The following SRBD1 variants were observed in gnomAD, a reference collection of about 807,000 sequenced individuals.
The protein encoded by SRBD1 is S1 RNA-binding domain-containing protein 1.
SRBD1 carries 88 observed loss-of-function variants against 115.3 expected under a neutral mutation model. The observed-to-expected ratio is 0.76, with a 90% CI of 0.64 to 0.91. The LOEUF (loss-of-function observed/expected upper bound fraction) is 0.91, where lower values mean the gene tolerates loss of function less well. Among genes scored for constraint, SRBD1 ranks in the 40% least tolerant of loss-of-function variants. The pLI is 0.00. For missense variants in SRBD1, 1,385 were observed against 1,177.4 expected, an observed-to-expected ratio of 1.18 and a Z score of -2.58; for synonymous variants, 509 against 407.7, an observed-to-expected ratio of 1.25 and a Z score of -2.99.
chr2:45,414,870 A>AC (rs1220042555), intron 18 of SRBD1, among the ~76,000 whole-genome samples: 1 of 144,548 alleles, frequency 6.9e-6, no homozygotes, highest in East Asian at 2.0e-4. Context: ...GTATGTACAC[A>AC]CAATATAGTG....
At chr2:45,503,217 A>AAGAAC (rs66628217) in intron 14 of SRBD1, among the ~76,000 whole-genome samples, 1 of 16,432 alleles carries the variant, frequency 6.1e-5, no homozygotes, top group African/African-American at 1.4e-3. Flanking sequence ...CCTTTCCATG[A>AAGAAC]AGAAAACTTG....
intron 5 of SRBD1, among the ~76,000 whole-genome samples, chr2:45,584,268 G>A (rs945249918): frequency 2.0e-5 from 3 of 152,188 alleles, no homozygotes; most frequent in African/African-American, 4.8e-5. Flanking sequence ...TACTGGAGAC[G>A]AGCAAGGGTT....
chr2:45,413,368 C>T, intron 18 of SRBD1, 75 bp from the exon 19 acceptor site: 4 of 1,504,882 alleles, frequency 2.7e-6, no homozygotes, highest in Non-Finnish European at 2.7e-6. Context: ...TTAAAATGTG[C>T]TTACTTCTCT....
intron 3 of SRBD1, among the ~76,000 whole-genome samples, chr2:45,601,106 ATAAAGG>A (rs1037814231): frequency 1.3e-4 from 20 of 152,364 alleles, no homozygotes; most frequent in African/African-American, 4.1e-4. Context: ...AGTGTCAATC[ATAAAGG>A]GTGTTGTCAG....
At chr2:45,462,231 C>T (rs1239047189) in intron 16 of SRBD1, among the ~76,000 whole-genome samples, 2 of 152,150 alleles carry the variant, frequency 1.3e-5, no homozygotes, top group African/African-American at 2.4e-5. Flanking sequence ...TCATTTCCTT[C>T]ATCACCAAAA....
At chr2:45,471,643 C>T (rs1432489059) in intron 16 of SRBD1, among the ~76,000 whole-genome samples, 1 of 152,038 alleles carries the variant, frequency 6.6e-6, no homozygotes, top group Non-Finnish European at 1.5e-5. Flanking sequence ...AAATGTTCAC[C>T]TCACTGTATC....
intron 16 of SRBD1, among the ~76,000 whole-genome samples, chr2:45,429,705 G>C (rs1361858666): frequency 6.6e-6 from 1 of 152,156 alleles, no homozygotes; most frequent in Non-Finnish European, 1.5e-5. Context: ...GCAAAACCTG[G>C]AAACGTTCCC....
At chr2:45,505,398 A>C (rs952518230) in intron 14 of SRBD1, among the ~76,000 whole-genome samples, 3 of 152,144 alleles carry the variant, frequency 2.0e-5, no homozygotes, top group Non-Finnish European at 4.4e-5. Flanking sequence ...GCCAGATGCC[A>C]CTATCAGAAC....
chr2:45,523,779 A>C (rs1671359339), intron 14 of SRBD1, among the ~76,000 whole-genome samples: 1 of 151,994 alleles, frequency 6.6e-6, no homozygotes, highest in South Asian at 2.1e-4. Flanking sequence ...TCAATTCACA[A>C]ACTCTTCCAA....
At chr2:45,568,046 G>A (rs1672889996) in intron 9 of SRBD1, 2 of 152,188 alleles carry the variant, frequency 1.3e-5, no homozygotes, top group African/African-American at 4.8e-5. Flanking sequence ...GGTTAAAGCG[G>A]AATTACTGCA....
chr2:45,602,928 T>C (rs1008263003), intron 2 of SRBD1, among the ~76,000 whole-genome samples: 23 of 152,204 alleles, frequency 1.5e-4, no homozygotes, highest in African/African-American at 3.6e-4. Flanking sequence ...ATAATTATGA[T>C]AGGTCAAACT....
chr2:45,479,170 C>A (rs1262013743), intron 15 of SRBD1, among the ~76,000 whole-genome samples: 77 of 152,250 alleles, frequency 5.1e-4, no homozygotes, highest in Non-Finnish European at 5.9e-5. Flanking sequence ...CCCTCCCTCT[C>A]CTGGGGCCTC....
intron 19 of SRBD1, among the ~76,000 whole-genome samples, chr2:45,406,983 T>C (rs968500102): frequency 2.0e-5 from 3 of 152,166 alleles, no homozygotes; most frequent in Admixed American, 2.0e-4. Flanking sequence ...GGAAAGACCA[T>C]TATGATTTCA....
At chr2:45,411,207 G>A (rs1232794589) in intron 19 of SRBD1, among the ~76,000 whole-genome samples, 3 of 152,140 alleles carry the variant, frequency 2.0e-5, no homozygotes, top group Non-Finnish European at 4.4e-5. Flanking sequence ...ATAATCTGCT[G>A]CAGAATTGAC....
At chr2:45,392,213 A>T (rs369002691) in intron 20 of SRBD1, among the ~76,000 whole-genome samples, 57 of 152,362 alleles carry the variant, frequency 3.7e-4, no homozygotes, top group Admixed American at 1.4e-3. Flanking sequence ...TTTTCAAAGA[A>T]GTATGTCTAA....
At chr2:45,473,108 A>C (rs569409882) in intron 16 of SRBD1, among the ~76,000 whole-genome samples, 1 of 151,940 alleles carries the variant, frequency 6.6e-6, no homozygotes, top group East Asian at 1.9e-4. Context: ...TTTGTTGTTT[A>C]TTTCCTATAC....
At chr2:45,593,560 C>T (rs1202214037) in intron 4 of SRBD1, among the ~76,000 whole-genome samples, 4 of 152,152 alleles carry the variant, frequency 2.6e-5, no homozygotes, top group African/African-American at 9.7e-5. Flanking sequence ...TTGCTATTTC[C>T]TCAGTTAAAA....
At chr2:45,524,939 G>C (rs1167387482) in intron 14 of SRBD1, among the ~76,000 whole-genome samples, 1 of 151,964 alleles carries the variant, frequency 6.6e-6, no homozygotes. Context: ...CACAAGGATA[G>C]ACTTATAGAT....
intron 14 of SRBD1, among the ~76,000 whole-genome samples, chr2:45,545,311 A>AAAAAAAAAAAAAC (rs1558468100): frequency 7.0e-6 from 1 of 143,712 alleles, no homozygotes; most frequent in African/African-American, 2.7e-5. Flanking sequence ...AAAAAAAAAA[A>AAAAAAAAAAAAAC]AAAACAGATG....
Sources: allele counts gnomAD v4.1 joint callset (sites outside exome capture counted in the v4.1 genomes callset), GRCh38; gene constraint gnomAD v4.1.1; transcripts MANE v1.5; gene names NCBI Gene and HGNC (gene_info 2026-07-23, HGNC 2026-07-21).